Variants in CUEDC1 observed in about 807,000 individuals in gnomAD.
The protein encoded by CUEDC1 is CUE domain containing 1.
Under a neutral mutation model 43.7 loss-of-function variants are expected in CUEDC1, and 30 were observed. That is an observed-to-expected ratio of 0.69 (90% CI 0.51 to 0.93). The LOEUF is 0.93. Among genes scored for constraint, CUEDC1 ranks in the 40% least tolerant of loss-of-function variants. The pLI is 0.00. For missense variants in CUEDC1, 486 were observed against 549.0 expected (o/e 0.89, Z 1.15); for synonymous variants, 223 against 223.6 (o/e 1.00, Z 0.02).
intron 8 of CUEDC1, among the ~76,000 whole-genome samples, chr17:57,867,787 G>C (rs2073981381): frequency 6.6e-6 from 1 of 152,180 alleles, no homozygotes; most frequent in Non-Finnish European, 1.5e-5. Flanking sequence ...GAGTGAGGAG[G>C]ACTCGTGCAC....
At position 57,873,590 on chromosome 17, in the gene CUEDC1, C is replaced by A; in HGVS notation, c.591+1G>T. 1 of 1,578,112 alleles carries A rather than the reference C, an allele frequency of 6.3e-7. No homozygotes were observed. The highest frequency in any genetic ancestry group is 8.6e-7 in the Non-Finnish European group (1 of 1,161,078). On this transcript the variant is annotated splice_donor_variant, in intron 4 of 10. Coordinates refer to ENST00000577830, the MANE Select transcript of CUEDC1 (RefSeq NM_001271875.2). LOFTEE classifies it high-confidence loss of function. ...TGGAAGGCGGGGGCGGCCCCTGTTA[C>A]CTGTATGCTGTCCAGCTGCTGGGGC...
At chr17:57,940,054 C>T (rs902485324) in intron 1 of CUEDC1, among the ~76,000 whole-genome samples, 2 of 151,998 alleles carry the variant, frequency 1.3e-5, no homozygotes, top group African/African-American at 4.8e-5. Flanking sequence ...AGAGTCTGAA[C>T]TGAGAGACAA....
intron 1 of CUEDC1, among the ~76,000 whole-genome samples, chr17:57,923,930 C>T (rs1261494698): frequency 6.6e-6 from 1 of 152,188 alleles, no homozygotes; most frequent in Non-Finnish European, 1.5e-5. Flanking sequence ...GGAACTTACA[C>T]AGGACAGAGC....
intron 1 of CUEDC1, among the ~76,000 whole-genome samples, chr17:57,910,885 CT>C (rs2074576111): frequency 6.6e-6 from 1 of 152,138 alleles, no homozygotes; most frequent in African/African-American, 2.4e-5. Context: ...ACAGTACCCC[CT>C]GGCTTTGCTC....
At position 57,862,076 on chromosome 17, in the gene CUEDC1, C is replaced by G. The variant is rs1302595415; in HGVS notation, c.*1213G>C. 6.6e-6 allele frequency: 1 copy of G among 152,234 alleles called. No individual in the cohort carries two copies. The highest frequency in any genetic ancestry group is 2.4e-5 in the African/African-American group (1 of 41,452). The allele number at this position is 152,234 out of a possible 1,614,324, so 9.4% of individuals were successfully genotyped here. A position where few individuals can be genotyped will look rare whatever the true frequency, so the allele number is the denominator to read the frequency against. ...AGGCCACCAGGGCCCGGCCAAGGATCGGATGCCACTCCCAACCTCCCAGAG... is the reference window on the plus strand; with the variant it reads ...AGGCCACCAGGGCCCGGCCAAGGATGGGATGCCACTCCCAACCTCCCAGAG... On this transcript the variant is annotated 3_prime_UTR_variant, in exon 11 of 11. Transcript: ENST00000577830.
chr17:57,928,385 TA>T (rs2074769419), intron 1 of CUEDC1, among the ~76,000 whole-genome samples: 1 of 151,618 alleles, frequency 6.6e-6, no homozygotes, highest in Non-Finnish European at 1.5e-5. Context: ...CCATCTCTAC[TA>T]AAAATACAAA....
At chr17:57,905,855 G>C (rs1427118539) in intron 1 of CUEDC1, among the ~76,000 whole-genome samples, 1 of 152,224 alleles carries the variant, frequency 6.6e-6, no homozygotes, top group Non-Finnish European at 1.5e-5. Flanking sequence ...AGGAAGGGTT[G>C]TGTGGGGGCA....
chr17:57,879,925 A>T (rs1428334446), intron 2 of CUEDC1, among the ~76,000 whole-genome samples, 187 bp from the exon 3 acceptor site: 2 of 152,176 alleles, frequency 1.3e-5, no homozygotes, highest in Non-Finnish European at 2.9e-5. Context: ...ACACATGGCT[A>T]CCTCTGACCC....
intron 1 of CUEDC1, among the ~76,000 whole-genome samples, chr17:57,952,855 G>C (rs1157233521): frequency 6.6e-6 from 1 of 152,106 alleles, no homozygotes; most frequent in Non-Finnish European, 1.5e-5. Flanking sequence ...AGTCACAAAT[G>C]GCAGATCGTC....
At chr17:57,871,166 C>G in intron 6 of CUEDC1, 120 bp downstream of exon 6, 1 of 805,964 alleles carries the variant, frequency 1.2e-6, no homozygotes, top group Non-Finnish European at 2.2e-6. Flanking sequence ...TGAGGAGGCC[C>G]AGGCCCCCTC....
At chr17:57,867,141 G>A (rs2073970561) in intron 9 of CUEDC1, 3 of 603,142 alleles carry the variant, frequency 5.0e-6, no homozygotes, top group East Asian at 2.8e-5. Context: ...ACATCTAGGT[G>A]GAAGTAGGGC....
At position 57,869,102 on chromosome 17, in the gene CUEDC1, G is replaced by C; in HGVS notation, c.940+20C>G. 3 of 1,612,898 alleles carry C rather than the reference G, an allele frequency of 1.9e-6. No individual in the cohort carries two copies. Among genetic ancestry groups the C allele is most frequent in the South Asian group, 1.1e-5 (1 of 90,728 alleles). ...TCTCAGAAAAGCTGGGGAGGGAAGC[G>C]GGGCCTGAGTGGGACTCACACTTTC... On this transcript the variant is annotated intron_variant, in intron 7 of 10. Coordinates refer to ENST00000577830, the MANE Select transcript of CUEDC1 (RefSeq NM_001271875.2).
At chr17:57,904,191 G>A (rs1160238057) in intron 1 of CUEDC1, among the ~76,000 whole-genome samples, 1 of 152,082 alleles carries the variant, frequency 6.6e-6, no homozygotes, top group Non-Finnish European at 1.5e-5. Context: ...CTTGCCAAAA[G>A]ATGGCATCTC....
intron 1 of CUEDC1, among the ~76,000 whole-genome samples, chr17:57,953,674 G>A (rs1411296392): frequency 6.6e-6 from 1 of 152,128 alleles, no homozygotes; most frequent in Non-Finnish European, 1.5e-5. Context: ...TTCTCAAAGG[G>A]GCCCATGACT....
chr17:57,883,111 T>C (rs969014947), intron 2 of CUEDC1, among the ~76,000 whole-genome samples: 1 of 152,158 alleles, frequency 6.6e-6, no homozygotes, highest in Non-Finnish European at 1.5e-5. Context: ...CCAATATTCC[T>C]TCCACCACCT....
At chr17:57,902,270 A>G (rs2074480769) in intron 1 of CUEDC1, among the ~76,000 whole-genome samples, 1 of 152,170 alleles carries the variant, frequency 6.6e-6, no homozygotes, top group Non-Finnish European at 1.5e-5. Flanking sequence ...CGGAGGTTGC[A>G]GTGACCTGAG....
intron 2 of CUEDC1, among the ~76,000 whole-genome samples, chr17:57,882,368 G>A (rs897119665): frequency 1.3e-5 from 2 of 152,136 alleles, no homozygotes; most frequent in Non-Finnish European, 2.9e-5. Context: ...TGGAGAGCAA[G>A]ATTCTTAGAA....
At chr17:57,942,109 A>G (rs1224638227) in intron 1 of CUEDC1, among the ~76,000 whole-genome samples, 1 of 152,200 alleles carries the variant, frequency 6.6e-6, no homozygotes, top group Non-Finnish European at 1.5e-5. Flanking sequence ...TCAGTGATCC[A>G]CAGAAAGGCC....
chr17:57,894,106 A>AGGATTTGATAAAAGG (rs2074384892), intron 1 of CUEDC1, among the ~76,000 whole-genome samples: 1 of 152,088 alleles, frequency 6.6e-6, no homozygotes, highest in Non-Finnish European at 1.5e-5. Context: ...AACAAAACAA[A>AGGATTTGATAAAAGG]ACCAAACCAT....
Sources: allele counts gnomAD v4.1 joint callset (sites outside exome capture counted in the v4.1 genomes callset), GRCh38; gene constraint gnomAD v4.1.1; transcripts MANE v1.5; gene names NCBI Gene and HGNC (gene_info 2026-07-23, HGNC 2026-07-21).